Variants in HOMER1 observed in about 807,000 individuals in gnomAD.
HOMER1 encodes the protein homer scaffold protein 1.
HOMER1 carries 3 observed loss-of-function variants against 48.9 expected under a neutral mutation model. The ratio of observed to expected loss-of-function variants is 0.06; its 90% CI spans 0.03 to 0.16. HOMER1 has a LOEUF of 0.16. Ranked by LOEUF, HOMER1 falls within the 10% of genes least tolerant of loss-of-function variation. The probability of loss-of-function intolerance (pLI) is 1.00; values close to 1 mark genes in which losing one functional copy is unlikely to be tolerated. For synonymous variants in HOMER1, 134 were observed against 146.4 expected (o/e 0.92, Z 0.61); for missense variants, 247 against 411.4 (o/e 0.60, Z 3.46).
chr5:79,377,484 T>G (rs937373458), intron 8 of HOMER1, among the ~76,000 whole-genome samples: 2 of 152,194 alleles, frequency 1.3e-5, no homozygotes, highest in African/African-American at 4.8e-5. Context: ...CACTTTTACA[T>G]TTGAGAGAAA....
intron 3 of HOMER1, among the ~76,000 whole-genome samples, chr5:79,447,372 G>A (rs1285339031): frequency 6.6e-6 from 1 of 152,092 alleles, no homozygotes; most frequent in Admixed American, 6.5e-5. Context: ...AAAACATCAT[G>A]ATATAGCTAA....
chr5:79,416,202 G>A (rs993217540), intron 5 of HOMER1, among the ~76,000 whole-genome samples: 1 of 152,164 alleles, frequency 6.6e-6, no homozygotes, highest in Non-Finnish European at 1.5e-5. Flanking sequence ...GATTTATATT[G>A]TATGCACTCA....
At chr5:79,502,438 A>G (rs1454475239) in intron 1 of HOMER1, among the ~76,000 whole-genome samples, 1 of 152,190 alleles carries the variant, frequency 6.6e-6, no homozygotes, top group Non-Finnish European at 1.5e-5. Context: ...CTAAAACTTA[A>G]TATGTTCATT....
chr5:79,463,000 A>G (rs1751358775), intron 1 of HOMER1, among the ~76,000 whole-genome samples: 1 of 152,248 alleles, frequency 6.6e-6, no homozygotes, highest in Admixed American at 6.5e-5. Flanking sequence ...TATGGTTTCA[A>G]ATAATTTCCT....
chr5:79,398,219 G>A (rs1047619391), intron 6 of HOMER1, among the ~76,000 whole-genome samples: 2 of 151,774 alleles, frequency 1.3e-5, no homozygotes, highest in African/African-American at 4.8e-5. Context: ...ATGAGCACTT[G>A]GTATTTTTTG....
intron 5 of HOMER1, among the ~76,000 whole-genome samples, chr5:79,416,520 C>T (rs1482092819): frequency 1.3e-5 from 2 of 152,156 alleles, no homozygotes; most frequent in Non-Finnish European, 2.9e-5. Flanking sequence ...ATAAGAGGGC[C>T]CGAGAAATGT....
intron 5 of HOMER1, among the ~76,000 whole-genome samples, chr5:79,419,059 C>T (rs978352694): frequency 1.3e-5 from 2 of 151,788 alleles, no homozygotes; most frequent in Admixed American, 1.3e-4. Flanking sequence ...AAACATATTT[C>T]AAAATGCAGA....
intron 1 of HOMER1, among the ~76,000 whole-genome samples, chr5:79,477,233 C>T (rs1751806466): frequency 6.6e-6 from 1 of 152,238 alleles, no homozygotes; most frequent in Non-Finnish European, 1.5e-5. Context: ...CTAGGACTTC[C>T]TCCAAGCTGA....
chr5:79,410,116 T>C (rs1235678615), intron 5 of HOMER1, among the ~76,000 whole-genome samples: 2 of 152,230 alleles, frequency 1.3e-5, no homozygotes, highest in Non-Finnish European at 2.9e-5. Flanking sequence ...ATAGGTATTA[T>C]AAATTTGAAT....
intron 1 of HOMER1, among the ~76,000 whole-genome samples, chr5:79,511,184 G>A (rs1320613591): frequency 6.6e-6 from 1 of 152,136 alleles, no homozygotes; most frequent in Non-Finnish European, 1.5e-5. Flanking sequence ...CCTCCAACAT[G>A]TTTTAAACAG....
intron 1 of HOMER1, among the ~76,000 whole-genome samples, chr5:79,499,801 A>C (rs1752525235): frequency 6.6e-6 from 1 of 152,244 alleles, no homozygotes; most frequent in African/African-American, 2.4e-5. Context: ...ATTTGTAGCT[A>C]ACTCCTGTTG....
intron 5 of HOMER1, among the ~76,000 whole-genome samples, chr5:79,414,078 C>CT: frequency 1.3e-5 from 2 of 151,906 alleles, no homozygotes; most frequent in Admixed American, 6.6e-5. Context: ...TTGTTCTGTT[C>CT]TTTTTTTAAA....
chr5:79,379,235 T>A (rs780950145), intron 8 of HOMER1, among the ~76,000 whole-genome samples: 9 of 68,302 alleles, frequency 1.3e-4, no homozygotes, highest in South Asian at 4.8e-4. Flanking sequence ...ATAATATATA[T>A]TATATATTAT....
At chr5:79,474,206 ATTTTTT>A (rs1009644672) in intron 1 of HOMER1, among the ~76,000 whole-genome samples, 1 of 98,748 alleles carries the variant, frequency 1.0e-5, no homozygotes, top group Non-Finnish European at 1.8e-5. Context: ...CCCAACCAAA[ATTTTTT>A]TTTTTTTTTT....
At chr5:79,508,968 GC>G (rs1161098295) in intron 1 of HOMER1, among the ~76,000 whole-genome samples, 6 of 152,324 alleles carry the variant, frequency 3.9e-5, no homozygotes, top group Admixed American at 1.3e-4. Flanking sequence ...TTAAGGACTT[GC>G]ATCTAAGTTG....
chr5:79,512,556 A>C (rs1752972152), intron 1 of HOMER1, among the ~76,000 whole-genome samples: 1 of 152,228 alleles, frequency 6.6e-6, no homozygotes, highest in African/African-American at 2.4e-5. Flanking sequence ...TTCAAGTTAC[A>C]AACGATATAT....
In HOMER1 at chr5:79,513,882, C is replaced by T. The variant is rs1056656601; in HGVS notation, c.-1108G>A. ...CGAAGCGCAGCCGCCGCTCCAGCGC[C>T]CCCACCCCTACTCCTCGTCTCTCAC... On this transcript the variant is annotated 5_prime_UTR_variant, in exon 1 of 9. Coordinates refer to ENST00000334082, the MANE Select transcript of HOMER1 (RefSeq NM_004272.5). 1 of 154,480 alleles carries T rather than the reference C, an allele frequency of 6.5e-6. No homozygotes were observed. The highest frequency in any genetic ancestry group is 1.4e-5 in the Non-Finnish European group (1 of 69,382). 9.6% of individuals were successfully genotyped at this position (154,480 alleles called of 1,614,324 possible). A position where few individuals can be genotyped will look rare whatever the true frequency, so the allele number is the denominator to read the frequency against.
intron 8 of HOMER1, among the ~76,000 whole-genome samples, chr5:79,382,849 C>T (rs759279651): frequency 1.3e-5 from 2 of 152,116 alleles, no homozygotes; most frequent in Non-Finnish European, 2.9e-5. Flanking sequence ...AACCAGAAAG[C>T]AATTAGCAAT....
chr5:79,393,072 T>C (rs1053006392), intron 8 of HOMER1, among the ~76,000 whole-genome samples: 3 of 152,072 alleles, frequency 2.0e-5, no homozygotes, highest in Non-Finnish European at 4.4e-5. Context: ...AAAAAATTTC[T>C]GTATTATTCT....
Sources: gnomAD v4.1 joint callset for allele counts (sites outside exome capture counted in the v4.1 genomes callset) on GRCh38, gnomAD v4.1.1 for gene constraint, MANE v1.5 for transcripts, NCBI Gene and HGNC (gene_info 2026-07-23, HGNC 2026-07-21) for gene names.